Variants in GTF3C3 observed in about 807,000 individuals in gnomAD.
GTF3C3 encodes general transcription factor IIIC subunit 3.
Under a neutral mutation model 105.2 loss-of-function variants are expected in GTF3C3, and 75 were observed. The observed-to-expected ratio is 0.71, with a 90% CI of 0.59 to 0.86. The LOEUF is 0.86. Among genes scored for constraint, GTF3C3 ranks in the 40% least tolerant of loss-of-function variants. The pLI is 0.00. For missense variants in GTF3C3, 856 were observed against 1,076.5 expected (o/e 0.80, Z 2.87); for synonymous variants, 335 against 370.4 (o/e 0.90, Z 1.10).
intron 8 of GTF3C3, among the ~76,000 whole-genome samples, chr2:196,782,025 G>T (rs544543393): frequency 3.3e-5 from 5 of 152,274 alleles, no homozygotes; most frequent in African/African-American, 9.6e-5. Flanking sequence ...GTATCACTTT[G>T]ATTTTCATTC....
At chr2:196,773,273 A>G (rs1699208091) in intron 13 of GTF3C3, 120 bp from the exon 14 acceptor site, 4 of 684,292 alleles carry the variant, frequency 5.8e-6, no homozygotes, top group Non-Finnish European at 1.0e-5. Context: ...AATTGTTGCC[A>G]GTGCTCTCCG....
At position 196,793,037 on chromosome 2, in the gene GTF3C3, T is replaced by C. The variant is rs1431679197; in HGVS notation, c.330A>G (p.Glu110=). 6.2e-7 allele frequency: 1 copy of C among 1,611,356 alleles called. No individual in the cohort carries two copies. Among genetic ancestry groups the C allele is most frequent in the Non-Finnish European group, 8.5e-7 (1 of 1,177,844 alleles). Residue 110 remains glutamate (E), a synonymous_variant, in exon 3 of 18, where the codon GAA becomes GAG. Coordinates refer to ENST00000263956, the MANE Select transcript of GTF3C3 (RefSeq NM_012086.5). ...CCGCAGTGGGTTGCTCAGGTGTTTCTTCCTCCTCCTCCTCCTCCTCCTCTT... is the reference window on the plus strand; with the variant it reads ...CCGCAGTGGGTTGCTCAGGTGTTTCCTCCTCCTCCTCCTCCTCCTCCTCTT... The part of the protein sequence containing the change: ...EEEEEEEEEE[E]ETPEQPTAGD...
In GTF3C3 at chr2:196,763,212, T is replaced by G. The variant is rs1022131164; in HGVS notation, c.*1351A>C. On this transcript the variant is annotated 3_prime_UTR_variant, in exon 18 of 18. Coordinates refer to ENST00000263956, the MANE Select transcript of GTF3C3 (RefSeq NM_012086.5). ...AAATGGAAGCTATGATTTTAAAAGC[T>G]AAACAAAACTATACAATATCAGCTG... The G allele has an allele frequency of 6.6e-6, 1 of 152,182 alleles. No individual in the cohort carries two copies. The highest frequency in any genetic ancestry group is 1.5e-5 in the Non-Finnish European group (1 of 68,030). The allele number at this position is 152,182 out of a possible 1,614,324, so 9.4% of individuals were successfully genotyped here.
chr2:196,784,668 T>A (rs565028861), intron 8 of GTF3C3, 189 bp downstream of exon 8: 126 of 382,104 alleles, frequency 3.3e-4, no homozygotes, highest in African/African-American at 2.0e-3. Flanking sequence ...CAAATTTTTT[T>A]AAAGATTACT....
rs1240918481 is a variant in GTF3C3 at position 196,786,874 on chromosome 2, TCA to T, written c.894-1288_894-1287del. 6.6e-6 allele frequency among the ~76,000 whole-genome samples: 1 copy of T among 152,152 alleles called. No individual in the cohort carries two copies. Among genetic ancestry groups the T allele is most frequent in the Non-Finnish European group, 1.5e-5 (1 of 68,028 alleles). Reference sequence around the variant, plus strand: ...TCCTTGTTACTAAATCTGTCAATTCTCAGTGCTCATTTTACGTGATCTATCTG... The same window carrying T: ...TCCTTGTTACTAAATCTGTCAATTCTGTGCTCATTTTACGTGATCTATCTG... On this transcript the variant is annotated intron_variant, in intron 6 of 17. Transcript: ENST00000263956. The surrounding 1 kb of genome is among the most constrained non-coding windows in gnomAD (Gnocchi z 4.2).
Position 196,764,621 on chromosome 2 carries a change from T to C in GTF3C3, c.2603A>G (p.Gln868Arg). The change falls in exon 18 of 18, where the codon CAG becomes CGG. Residue 868 changes from glutamine (Q) to arginine (R), a missense_variant. By Grantham distance (43) the Gln-to-Arg change is conservative. Around this residue, in one of 3 missense-constraint regions of GTF3C3, gnomAD observed 134 missense variants for 128.9 expected, o/e 1.04. Transcript: ENST00000263956. Reference protein sequence around the residue: ...DIAYNLSLIYQSSGNTGMAQT... With the variant: ...DIAYNLSLIYRSSGNTGMAQT... ...AGCCATTCCGGTATTCCCACTGCTCTGATAGATGAGAGACAAGTTGTAGGC... is the reference window on the plus strand; with the variant it reads ...AGCCATTCCGGTATTCCCACTGCTCCGATAGATGAGAGACAAGTTGTAGGC... 6.2e-7 allele frequency: 1 copy of C among 1,613,238 alleles called. No individual in the cohort carries two copies. Among genetic ancestry groups the C allele is most frequent in the Non-Finnish European group, 8.5e-7 (1 of 1,179,214 alleles).
At chr2:196,799,437 C>T (rs930290593) in intron 1 of GTF3C3, 73 bp downstream of exon 1, 51 of 1,109,970 alleles carry the variant, frequency 4.6e-5, no homozygotes, top group Non-Finnish European at 6.2e-5. Context: ...TGAAAGCGGT[C>T]GTCTGGGTCC....
At chr2:196,777,716 T>C (rs995449536) in intron 10 of GTF3C3, 1 of 152,242 alleles carries the variant, frequency 6.6e-6, no homozygotes, top group African/African-American at 2.4e-5. Context: ...ATCTTTCTTA[T>C]ATACTGATCC....
rs1699584531 is a variant in GTF3C3, at chr2:196,793,251, C to T, written c.215-99G>A. The T allele has an allele frequency of 4.8e-5, 39 of 817,706 alleles. 1 individual carries two copies. The South Asian group carries it at 7.5e-4, about 16-fold the overall frequency. The allele number at this position is 817,706 out of a possible 1,614,324, so 50.7% of individuals were successfully genotyped here. A position where few individuals can be genotyped will look rare whatever the true frequency, so the allele number is the denominator to read the frequency against. On this transcript the variant is annotated intron_variant, in intron 2 of 17. Coordinates refer to ENST00000263956, the MANE Select transcript of GTF3C3 (RefSeq NM_012086.5). ...AGTATAAATTTTTACCCCAGTAACA[C>T]CAAATTTGAAAGTAAAAAATAGCAA... is the stretch of plus-strand genomic sequence containing the variant.
At chr2:196,798,131 C>A (rs1456891865) in intron 1 of GTF3C3, among the ~76,000 whole-genome samples, 1 of 152,082 alleles carries the variant, frequency 6.6e-6, no homozygotes, top group Non-Finnish European at 1.5e-5. Flanking sequence ...ACTGTCAAAG[C>A]ATTTCAAAGT....
In GTF3C3 at chr2:196,776,275, G is replaced by A. The variant is rs766087133; in HGVS notation, c.1593+152C>T. On this transcript the variant is annotated intron_variant, in intron 11 of 17. Coordinates refer to ENST00000263956, the MANE Select transcript of GTF3C3 (RefSeq NM_012086.5). The surrounding 1 kb of genome is among the most constrained non-coding windows in gnomAD (Gnocchi z 4.5). ...AACTATAATTTGTAACCCAACCAGT[G>A]GCTGAAATCCAATACTTAAAATCAT... 72 of 711,148 alleles carry A rather than the reference G, an allele frequency of 1.0e-4. No homozygotes were observed. The highest frequency in any genetic ancestry group is 1.2e-4 in the Non-Finnish European group (53 of 430,452). The allele number at this position is 711,148 out of a possible 1,614,324, so 44.1% of individuals were successfully genotyped here. A position where few individuals can be genotyped will look rare whatever the true frequency, so the allele number is the denominator to read the frequency against.
At position 196,772,925 on chromosome 2, in the gene GTF3C3, T is replaced by C. The variant is rs1699199637; in HGVS notation, c.2060A>G (p.Asn687Ser). 4 of 1,494,016 alleles carry C rather than the reference T, an allele frequency of 2.7e-6. No individual in the cohort carries two copies. The highest frequency in any genetic ancestry group is 3.7e-6 in the Non-Finnish European group (4 of 1,091,486). The allele number at this position is 1,494,016 out of a possible 1,614,324, so 92.5% of individuals were successfully genotyped here. ...ATAACTGGGAAATCACCTGATATAGTTGTATGCCTTTCTGAAATTTTTGTC... is the reference window on the plus strand; with the variant it reads ...ATAACTGGGAAATCACCTGATATAGCTGTATGCCTTTCTGAAATTTTTGTC... ...ILDKNFRKAYNYIRIMVMENV... is the reference protein window; with the variant it reads ...ILDKNFRKAYSYIRIMVMENV... The change falls in exon 14 of 18, where the codon AAC becomes AGC. Residue 687 changes from asparagine to serine, a missense_variant. Around this residue, in one of 3 missense-constraint regions of GTF3C3, gnomAD observed 605 missense variants for 833.6 expected, o/e 0.73. Transcript: ENST00000263956.
intron 8 of GTF3C3, among the ~76,000 whole-genome samples, chr2:196,782,539 T>C (rs1699384180): frequency 1.3e-5 from 2 of 152,066 alleles, no homozygotes. Context: ...CTCAACCTTA[T>C]GTTGAATGCA....
chr2:196,775,359 G>A, intron 12 of GTF3C3, 108 bp from the exon 13 acceptor site: 1 of 941,570 alleles, frequency 1.1e-6, no homozygotes, highest in Non-Finnish European at 1.5e-6. Flanking sequence ...AAGCTCAAGT[G>A]ATCCTCTCAC....
intron 16 of GTF3C3, among the ~76,000 whole-genome samples, chr2:196,769,277 A>G (rs1309480843): frequency 6.6e-6 from 1 of 152,146 alleles, no homozygotes; most frequent in Non-Finnish European, 1.5e-5. Flanking sequence ...TCAAGTCAAC[A>G]TTTTCTTTCT....
At chr2:196,773,577 G>A in intron 13 of GTF3C3, 1 of 355,158 alleles carries the variant, frequency 2.8e-6, no homozygotes, top group South Asian at 2.3e-5. Flanking sequence ...AAGAAGGATG[G>A]TTTCAGGATA....
intron 6 of GTF3C3, among the ~76,000 whole-genome samples, chr2:196,787,449 C>T (rs1427150036): frequency 1.3e-5 from 2 of 152,206 alleles, no homozygotes; most frequent in Non-Finnish European, 2.9e-5. Flanking sequence ...CCTGATACCT[C>T]TCTGCACTGC....
intron 10 of GTF3C3, chr2:196,778,629 A>G (rs1013956631): frequency 1.4e-5 from 6 of 420,846 alleles, no homozygotes; most frequent in African/African-American, 1.0e-4. Flanking sequence ...ACCAGACCCT[A>G]TGGTTAAGAG....
intron 14 of GTF3C3, 89 bp from the exon 15 acceptor site, chr2:196,772,027 G>A (rs533182487): frequency 3.6e-5 from 29 of 806,648 alleles, no homozygotes; most frequent in Non-Finnish European, 4.2e-6. Flanking sequence ...TGTCCTACCA[G>A]CACTGAAATG....
Sources: allele counts gnomAD v4.1 joint callset (sites outside exome capture counted in the v4.1 genomes callset), GRCh38; gene constraint gnomAD v4.1.1; regional missense constraint gnomAD v4.1.1; non-coding constraint Gnocchi (gnomAD v3.1); transcripts MANE v1.5; gene names NCBI Gene and HGNC (gene_info 2026-07-23, HGNC 2026-07-21).